Variants in AFAP1 observed in about 807,000 individuals in gnomAD.
The protein encoded by AFAP1 is actin filament associated protein 1.
AFAP1 carries 75 observed loss-of-function variants against 93.9 expected under a neutral mutation model. The observed-to-expected ratio is 0.80, with a 90% confidence interval of 0.66 to 0.97. AFAP1 has a LOEUF of 0.97. AFAP1 is among the 50% of genes least tolerant of loss of function. AFAP1 has a pLI of 0.00. For missense variants in AFAP1, 1,201 were observed against 1,050.8 expected (o/e 1.14, Z -1.98); for synonymous variants, 517 against 430.7 (o/e 1.20, Z -2.48).
chr4:7,864,400 C>T (rs1353203111), intron 3 of AFAP1, among the ~76,000 whole-genome samples: 1 of 152,184 alleles, frequency 6.6e-6, no homozygotes. Flanking sequence ...TCATCAATAG[C>T]GAAACGGCCA....
intron 12 of AFAP1, among the ~76,000 whole-genome samples, chr4:7,785,308 C>T (rs1002295473): frequency 1.3e-4 from 20 of 152,154 alleles, no homozygotes; most frequent in African/African-American, 4.6e-4. Context: ...GCCAGACAGA[C>T]CCCCGAGGCC....
chr4:7,864,068 C>CA (rs1716086819), intron 3 of AFAP1, among the ~76,000 whole-genome samples: 17 of 152,160 alleles, frequency 1.1e-4, no homozygotes, highest in Admixed American at 1.3e-4. Context: ...CCCATCACAA[C>CA]CCATTCCCAA....
intron 4 of AFAP1, among the ~76,000 whole-genome samples, chr4:7,849,365 A>G (rs1367922944): frequency 6.6e-6 from 1 of 152,236 alleles, no homozygotes; most frequent in African/African-American, 2.4e-5. Flanking sequence ...AATTAAAAAA[A>G]AAACTTGAAA....
chr4:7,807,297 G>A (rs1371553663), intron 9 of AFAP1, among the ~76,000 whole-genome samples: 2 of 152,078 alleles, frequency 1.3e-5, no homozygotes, highest in Non-Finnish European at 2.9e-5. Flanking sequence ...CCTAATTCCC[G>A]CTTTCTATTG....
intron 6 of AFAP1, among the ~76,000 whole-genome samples, chr4:7,837,008 C>T (rs1031798474): frequency 3.9e-5 from 6 of 152,126 alleles, no homozygotes; most frequent in African/African-American, 1.4e-4. Flanking sequence ...AAGTACAGCA[C>T]AACAGACAAC....
At chr4:7,852,251 A>T (rs1714522258) in intron 4 of AFAP1, among the ~76,000 whole-genome samples, 1 of 151,896 alleles carries the variant, frequency 6.6e-6, no homozygotes, top group South Asian at 2.1e-4. Context: ...TCCCACTATT[A>T]CCCCCAGTGA....
intron 17 of AFAP1, among the ~76,000 whole-genome samples, chr4:7,768,530 G>C (rs2107180): frequency 0.3 from 45,497 of 151,928 alleles, 8,325 homozygotes; most frequent in East Asian, 0.69. Flanking sequence ...AATCTCCACC[G>C]CACCACTGAG....
In AFAP1 at chr4:7,838,623, G is replaced by C; in HGVS notation, c.627C>G (p.Asp209Glu). 1 of 1,614,146 alleles carries C rather than the reference G, an allele frequency of 6.2e-7. No homozygotes were observed. Among genetic ancestry groups the C allele is most frequent in the Non-Finnish European group, 8.5e-7 (1 of 1,180,044 alleles). The change falls in exon 6 of 18, where the codon GAC becomes GAG. Residue 209 changes from aspartate (D) to glutamate (E), a missense_variant. Physicochemically the swap from Asp to Glu is conservative, Grantham distance 45. Transcript: ENST00000420658. ...QGCNITYIPKDSKKKKHELKI... is the reference protein window; with the variant it reads ...QGCNITYIPKESKKKKHELKI... ...TCAGCTCGTGCTTCTTCTTTTTGCT[G>C]TCTTTCGGGATGTACGTAATGTTAC... is the stretch of plus-strand genomic sequence containing the variant.
At chr4:7,764,416 TGGGTATCAAGGGCTG>T (rs1157760445) in intron 17 of AFAP1, among the ~76,000 whole-genome samples, 2 of 150,594 alleles carry the variant, frequency 1.3e-5, no homozygotes, top group Non-Finnish European at 3.0e-5. Flanking sequence ...AGTAGAATAG[TGGGTATCAAGGGCTG>T]GGGTGGGAAG....
chr4:7,912,498 A>G (rs929651204), intron 1 of AFAP1, among the ~76,000 whole-genome samples: 1 of 152,090 alleles, frequency 6.6e-6, no homozygotes, highest in African/African-American at 2.4e-5. Context: ...AGCCATTCTG[A>G]TAGGTGTATA....
chr4:7,768,281 G>C (rs1230596196), intron 17 of AFAP1, among the ~76,000 whole-genome samples: 1 of 152,224 alleles, frequency 6.6e-6, no homozygotes, highest in African/African-American at 2.4e-5. Flanking sequence ...GTGTTTTAAA[G>C]ATTTCTGAGG....
At position 7,761,320 on chromosome 4, in the gene AFAP1, T is replaced by C. The variant is rs2285765; in HGVS notation, c.*2445A>G. ...AGGCTCCATGGACCACGATGGGGTT[T>C]GTTAACGTTTGCCTCCGCTTTAAAA... On this transcript the variant is annotated 3_prime_UTR_variant, in exon 18 of 18. Coordinates refer to ENST00000420658, the MANE Select transcript of AFAP1 (RefSeq NM_001134647.2). The C allele has an allele frequency of 0.7, 106,125 of 152,222 alleles. 37,626 individuals are homozygous for C. The highest frequency in any genetic ancestry group is 0.77 in the Non-Finnish European group (52,497 of 68,016). 9.4% of individuals were successfully genotyped at this position (152,222 alleles called of 1,614,324 possible).
At chr4:7,918,498 C>T (rs1287370793) in intron 1 of AFAP1, among the ~76,000 whole-genome samples, 19 of 108,096 alleles carry the variant, frequency 1.8e-4, no homozygotes, top group African/African-American at 6.3e-4. Context: ...CCAGGTCACC[C>T]GCAAACAGGG....
intron 1 of AFAP1, among the ~76,000 whole-genome samples, chr4:7,925,746 G>T (rs1330511565): frequency 1.3e-5 from 2 of 152,154 alleles, no homozygotes; most frequent in African/African-American, 2.4e-5. Flanking sequence ...TTGGCAGGCT[G>T]AGGCAGGAGA....
intron 6 of AFAP1, among the ~76,000 whole-genome samples, chr4:7,824,151 T>C (rs1371194476): frequency 3.3e-5 from 5 of 152,174 alleles, no homozygotes; most frequent in Non-Finnish European, 7.4e-5. Flanking sequence ...AAATGAGGCT[T>C]CTATTAATAC....
intron 1 of AFAP1, among the ~76,000 whole-genome samples, chr4:7,911,097 T>C (rs879544876): frequency 8.5e-5 from 13 of 152,156 alleles, no homozygotes; most frequent in Admixed American, 8.5e-4. Context: ...GTCTTTTACT[T>C]GTCATGCTGG....
At chr4:7,923,938 C>A (rs919680645) in intron 1 of AFAP1, among the ~76,000 whole-genome samples, 1 of 152,176 alleles carries the variant, frequency 6.6e-6, no homozygotes, top group Admixed American at 6.5e-5. Context: ...ATAACAATGT[C>A]TTTTCAATCC....
chr4:7,854,682 G>C (rs371537748), intron 4 of AFAP1, among the ~76,000 whole-genome samples: 2 of 151,790 alleles, frequency 1.3e-5, no homozygotes, highest in Non-Finnish European at 2.9e-5. Context: ...CCTGAGTACA[G>C]TCAGCAACTG....
At chr4:7,887,186 G>A (rs141180954) in intron 1 of AFAP1, among the ~76,000 whole-genome samples, 123 of 152,316 alleles carry the variant, frequency 8.1e-4, no homozygotes, top group African/African-American at 2.7e-3. Flanking sequence ...AGAGGGCAAA[G>A]AATGATAGGA....
Sources: allele counts gnomAD v4.1 joint callset (sites outside exome capture counted in the v4.1 genomes callset), GRCh38; gene constraint gnomAD v4.1.1; transcripts MANE v1.5; gene names NCBI Gene and HGNC (gene_info 2026-07-23, HGNC 2026-07-21).